PCDH15: variants seen among roughly 807,000 people sequenced by gnomAD.
PCDH15 encodes protocadherin related 15.
A neutral mutation model predicts 178.5 loss-of-function variants in PCDH15; 129 were observed. The ratio of observed to expected loss-of-function variants is 0.72; its 90% CI spans 0.63 to 0.84. The LOEUF (loss-of-function observed/expected upper bound fraction) is 0.84. PCDH15 is among the 40% of genes least tolerant of loss of function. PCDH15 has a pLI of 0.00. For synonymous variants in PCDH15, 800 were observed against 732.0 expected (o/e 1.09, Z -1.50); for missense variants, 2,230 against 2,099.9 (o/e 1.06, Z -1.21).
At chr10:54,853,279 A>G (rs1464019673) in intron 3 of PCDH15, among the ~76,000 whole-genome samples, 57 of 91,272 alleles carry the variant, frequency 6.2e-4, no homozygotes, top group South Asian at 1.3e-3. Flanking sequence ...ATATATGTGT[A>G]TGTATGTGTG....
chr10:54,183,583 A>G lies in PCDH15; in HGVS notation c.1451T>C (p.Phe484Ser), dbSNP rs1482157157. Reference sequence around the variant, plus strand: ...TGGCTCACTTTCTTGTACACCATCAAATGCTGTTATCTTTGGGAGGAGAAA... The same window carrying G: ...TGGCTCACTTTCTTGTACACCATCAGATGCTGTTATCTTTGGGAGGAGAAA... ...QQTYTFSITA[F>S]DGVQESEPVI... Residue 484 changes from phenylalanine (F) to serine (S), a missense_variant, in exon 13 of 38, where the codon TTT (phenylalanine) becomes TCT (serine). By Grantham distance (155) the Phe-to-Ser change is radical. Coordinates refer to ENST00000644397, the MANE Select transcript of PCDH15 (RefSeq NM_001384140.1). The G allele has an allele frequency of 6.2e-7, 1 of 1,613,908 alleles. No homozygotes were observed. The highest frequency in any genetic ancestry group is 2.2e-5 in the East Asian group (1 of 44,824).
At chr10:55,529,662 T>C (rs1565227520) in intron 2 of PCDH15, among the ~76,000 whole-genome samples, 1 of 149,084 alleles carries the variant, frequency 6.7e-6, no homozygotes, top group Non-Finnish European at 1.5e-5. Flanking sequence ...TCTTTACTAA[T>C]ATTGGCATAA....
chr10:55,539,880 T>C (rs1841719738), intron 2 of PCDH15, among the ~76,000 whole-genome samples: 1 of 152,128 alleles, frequency 6.6e-6, no homozygotes, highest in Non-Finnish European at 1.5e-5. Context: ...GTATATACTT[T>C]ACAGATATTA....
chr10:55,472,566 CTT>C, intron 2 of PCDH15, among the ~76,000 whole-genome samples: 1 of 141,576 alleles, frequency 7.1e-6, no homozygotes, highest in East Asian at 2.2e-4. Context: ...AACACATGAA[CTT>C]TTTTTTGTTG....
intron 26 of PCDH15, among the ~76,000 whole-genome samples, chr10:53,899,439 T>G (rs1034566700): frequency 6.6e-6 from 1 of 152,214 alleles, no homozygotes; most frequent in African/African-American, 2.4e-5. Context: ...ACTCATCTTT[T>G]AAGCTAATAT....
intron 2 of PCDH15, among the ~76,000 whole-genome samples, chr10:55,019,212 CTTA>C (rs1564721411): frequency 6.6e-6 from 1 of 151,480 alleles, no homozygotes; most frequent in Non-Finnish European, 1.5e-5. Context: ...TTCCACTGAA[CTTA>C]CATTACATCA....
At chr10:54,660,821 A>G (rs1238117536) in intron 2 of PCDH15, among the ~76,000 whole-genome samples, 1 of 152,136 alleles carries the variant, frequency 6.6e-6, no homozygotes, top group African/African-American at 2.4e-5. Flanking sequence ...CAAATCAATA[A>G]ATGTGATTCA....
At chr10:54,552,798 T>A (rs1171149159) in intron 2 of PCDH15, among the ~76,000 whole-genome samples, 3 of 152,136 alleles carry the variant, frequency 2.0e-5, no homozygotes, top group Admixed American at 1.3e-4. Flanking sequence ...TGGTAAGAGT[T>A]CATGGCAATG....
intron 2 of PCDH15, among the ~76,000 whole-genome samples, chr10:55,063,396 A>T (rs781575284): frequency 2.6e-5 from 4 of 152,102 alleles, no homozygotes; most frequent in Admixed American, 2.6e-4. Flanking sequence ...CTGAAACAAT[A>T]TATCTGTCAC....
chr10:54,976,309 A>G (rs1029742659), intron 2 of PCDH15, among the ~76,000 whole-genome samples: 2 of 152,188 alleles, frequency 1.3e-5, no homozygotes, highest in Non-Finnish European at 2.9e-5. Flanking sequence ...CCTGCTGCAC[A>G]GACAAAACCA....
At position 54,344,904 on chromosome 10, in the gene PCDH15, C is replaced by CCAAAAAAAAAAAAAAAAAAAAAA. The variant is rs58908008; in HGVS notation, c.594+1460_594+1461insTTTTTTTTTTTTTTTTTTTTTTG. ...AAAGTCCTCTTTTAGAGAAACAAAG[C>CCAAAAAAAAAAAAAAAAAAAAAA]AAAAAAAAAAAAAAAAAAAAAACAA... On this transcript the variant is annotated intron_variant, in intron 6 of 37. Coordinates refer to ENST00000644397, the MANE Select transcript of PCDH15 (RefSeq NM_001384140.1). 1.1e-4 allele frequency among the ~76,000 whole-genome samples: 9 copies of CCAAAAAAAAAAAAAAAAAAAAAA among 78,886 alleles called. 3 individuals are homozygous for CCAAAAAAAAAAAAAAAAAAAAAA. Among genetic ancestry groups the CCAAAAAAAAAAAAAAAAAAAAAA allele is most frequent in the South Asian group, 4.9e-4 (1 of 2,040 alleles). The allele number at this position is 78,886 out of a possible 152,430, so 51.8% of individuals were successfully genotyped here.
chr10:54,928,821 A>T (rs1317443787), intron 2 of PCDH15, among the ~76,000 whole-genome samples: 1 of 152,104 alleles, frequency 6.6e-6, no homozygotes, highest in African/African-American at 2.4e-5. Context: ...GTCTGTCAGC[A>T]CCTGTATCAT....
chr10:55,023,087 G>A (rs1027190782), intron 2 of PCDH15, among the ~76,000 whole-genome samples: 16 of 152,018 alleles, frequency 1.1e-4, no homozygotes, highest in Admixed American at 7.2e-4. Context: ...GACTGCAGGC[G>A]CCCGCCACCA....
chr10:54,928,181 C>T (rs1837679398), intron 2 of PCDH15, among the ~76,000 whole-genome samples: 1 of 152,018 alleles, frequency 6.6e-6, no homozygotes, highest in African/African-American at 2.4e-5. Flanking sequence ...TCTTATTTCT[C>T]CTTCACTTAT....
intron 2 of PCDH15, among the ~76,000 whole-genome samples, chr10:55,536,593 A>G (rs570192191): frequency 3.5e-4 from 54 of 152,266 alleles, no homozygotes; most frequent in African/African-American, 1.3e-3. Flanking sequence ...AAGCATTTGG[A>G]AAAAAGCACT....
chr10:55,186,841 T>C (rs1280373430), intron 1 of PCDH15, among the ~76,000 whole-genome samples: 2 of 151,804 alleles, frequency 1.3e-5, no homozygotes, highest in African/African-American at 4.8e-5. Context: ...GATACTGTTT[T>C]ATGCTTCAGT....
chr10:53,983,304 G>C (rs2090827800), intron 21 of PCDH15, among the ~76,000 whole-genome samples: 1 of 149,824 alleles, frequency 6.7e-6, no homozygotes. Flanking sequence ...ATGTGACTTA[G>C]TCATATTTTA....
chr10:55,091,937 CTG>C (rs145873011), intron 2 of PCDH15, among the ~76,000 whole-genome samples: 9,907 of 151,758 alleles, frequency 0.065, 414 homozygotes, highest in East Asian at 0.24. Context: ...ATGCCAGAAA[CTG>C]TGGGTAAAAC....
At chr10:54,782,955 C>T (rs751728979) in intron 1 of PCDH15, among the ~76,000 whole-genome samples, 1 of 152,080 alleles carries the variant, frequency 6.6e-6, no homozygotes, top group Non-Finnish European at 1.5e-5. Flanking sequence ...CAAACCAACA[C>T]TCTAGGACAC....
Sources: allele counts gnomAD v4.1 joint callset (sites outside exome capture counted in the v4.1 genomes callset), GRCh38; gene constraint gnomAD v4.1.1; transcripts MANE v1.5; gene names NCBI Gene and HGNC (gene_info 2026-07-23, HGNC 2026-07-21).